The following SPG7 variants were observed in gnomAD, a reference collection of about 807,000 sequenced individuals.
SPG7 encodes SPG7 matrix AAA peptidase subunit, paraplegin, also known as mitochondrial inner membrane m-AAA protease component paraplegin.
A neutral mutation model predicts 81.9 loss-of-function variants in SPG7; 103 were observed. The ratio of observed to expected loss-of-function variants is 1.26; its 90% CI spans 1.07 to 1.48. The LOEUF (loss-of-function observed/expected upper bound fraction) is 1.48. SPG7 is among the 40% of genes most tolerant of loss of function. The pLI is 0.00. For missense variants in SPG7, 1,241 were observed against 1,087.3 expected (o/e 1.14, Z -1.99); for synonymous variants, 534 against 444.2 (o/e 1.20, Z -2.54).
intron 3 of SPG7, 125 bp downstream of exon 3, chr16:89,513,162 C>T: frequency 7.1e-7 from 1 of 1,400,876 alleles, no homozygotes; most frequent in South Asian, 1.2e-5. Context: ...GTGGCTCACA[C>T]TTGTAATCGA....
At chr16:89,511,226 G>A (rs2058017574) in intron 2 of SPG7, among the ~76,000 whole-genome samples, 1 of 152,160 alleles carries the variant, frequency 6.6e-6, no homozygotes, top group Admixed American at 6.5e-5. Context: ...TCAGCTGCAA[G>A]AATGTTTAGT....
chr16:89,544,789 CA>C lies in SPG7; in HGVS notation c.1449+18del. 6.2e-7 allele frequency: 1 copy of C among 1,613,736 alleles called. No homozygotes were observed. ...ACGCTGCAGGTCAGAGCCAGGATCC[CA>C]GCCTCTCCCACTCCACCTGGGCCGC... On this transcript the variant is annotated intron_variant, in intron 10 of 16. Coordinates refer to ENST00000645818, the MANE Select transcript of SPG7 (RefSeq NM_003119.4).
At chr16:89,528,633 G>T (rs1404848312) in intron 5 of SPG7, 2 of 149,162 alleles carry the variant, frequency 1.3e-5, no homozygotes, top group Non-Finnish European at 3.0e-5. Context: ...TGGAGTCAGG[G>T]TCTCACTCTG....
chr16:89,524,986 C>G (rs1233999118), intron 4 of SPG7, among the ~76,000 whole-genome samples: 1 of 147,614 alleles, frequency 6.8e-6, no homozygotes, highest in Non-Finnish European at 1.5e-5. Context: ...CAGAGTCTCC[C>G]TCTGTCTCAT....
chr16:89,530,056 C>G (rs2058319836), intron 6 of SPG7: 1 of 281,220 alleles, frequency 3.6e-6, no homozygotes, highest in African/African-American at 2.2e-5. Flanking sequence ...TCAGGCTGGT[C>G]TCGAACTCCC....
chr16:89,551,790 T>C (rs2058636397), intron 13 of SPG7: 1 of 151,762 alleles, frequency 6.6e-6, no homozygotes, highest in African/African-American at 2.4e-5. Context: ...ACTTGAGAGG[T>C]AGAGGCACAA....
intron 12 of SPG7, 47 bp from the exon 13 acceptor site, chr16:89,550,447 A>G: frequency 4.4e-6 from 6 of 1,370,268 alleles, no homozygotes; most frequent in Non-Finnish European, 6.2e-6. Flanking sequence ...CGCTGGGATT[A>G]CAGGCGTGAG....
Position 89,524,138 on chromosome 16 carries a change from T to G in SPG7, c.509T>G (p.Phe170Cys), listed in dbSNP as rs1339821726. 4.3e-6 allele frequency: 7 copies of G among 1,614,056 alleles called. No individual in the cohort carries two copies. The highest frequency in any genetic ancestry group is 5.9e-6 in the Non-Finnish European group (7 of 1,180,020). ...TSGGSISWND[F>C]VHEMLAKGEV... ...GGAGGCAGCATTTCCTGGAACGACT[T>G]TGTCCACGAGATGCTGGCCAAGGGC... Residue 170 changes from phenylalanine (F) to cysteine (C), a missense_variant, in exon 4 of 17, where the codon TTT becomes TGT. Transcript: ENST00000645818.
intron 16 of SPG7, chr16:89,556,550 C>T: frequency 2.6e-6 from 1 of 389,788 alleles, no homozygotes; most frequent in Non-Finnish European, 4.8e-6. Flanking sequence ...GTGCTGCTCT[C>T]CTCAATCAGG....
At position 89,512,933 on chromosome 16, in the gene SPG7, C is replaced by G. The variant is rs760006158; in HGVS notation, c.287-15C>G. ...GCAAAACTTAATTGTTAAATCCTTT[C>G]TCTATTTCTCATAGGTGGTACTTTC... On this transcript the variant is annotated splice_polypyrimidine_tract_variant and intron_variant, in intron 2 of 16. Coordinates refer to ENST00000645818, the MANE Select transcript of SPG7 (RefSeq NM_003119.4). 1.2e-6 allele frequency: 2 copies of G among 1,612,030 alleles called. No individual in the cohort carries two copies. The highest frequency in any genetic ancestry group is 4.5e-5 in the East Asian group (2 of 44,832).
Position 89,545,057 on chromosome 16 carries a change from T to C in SPG7, c.1449+285T>C, listed in dbSNP as rs933101876. 1.3e-5 allele frequency: 6 copies of C among 478,410 alleles called. 1 individual carries two copies. The highest frequency in any genetic ancestry group is 1.2e-4 in the African/African-American group (6 of 50,934). 29.6% of individuals were successfully genotyped at this position (478,410 alleles called of 1,614,324 possible). On this transcript the variant is annotated intron_variant, in intron 10 of 16. Coordinates refer to ENST00000645818, the MANE Select transcript of SPG7 (RefSeq NM_003119.4). Reference sequence around the variant, plus strand: ...GTTTTGCAGTTCTGTTCACCTGCTATTGGTTTTCCTTTTATCCTGGGTATC... The same window carrying C: ...GTTTTGCAGTTCTGTTCACCTGCTACTGGTTTTCCTTTTATCCTGGGTATC...
At chr16:89,537,513 C>T (rs1597644341) in intron 9 of SPG7, 18 of 995,186 alleles carry the variant, frequency 1.8e-5, no homozygotes, top group Non-Finnish European at 2.2e-5. Flanking sequence ...GAAAAGGCTG[C>T]TGTGAACATT....
chr16:89,511,174 C>T (rs1370589603), intron 2 of SPG7, among the ~76,000 whole-genome samples: 1 of 152,118 alleles, frequency 6.6e-6, no homozygotes, highest in Non-Finnish European at 1.5e-5. Flanking sequence ...TGCTGTATTC[C>T]AGTAATTGGG....
At chr16:89,515,516 T>A (rs9928142) in intron 3 of SPG7, among the ~76,000 whole-genome samples, 3 of 146,704 alleles carry the variant, frequency 2.0e-5, no homozygotes, top group African/African-American at 7.5e-5. Flanking sequence ...ATCTCCCCAC[T>A]TCGGCCTCCC....
At chr16:89,512,882 T>A in intron 2 of SPG7, 66 bp from the exon 3 acceptor site, 1 of 1,584,000 alleles carries the variant, frequency 6.3e-7, no homozygotes, top group Non-Finnish European at 8.7e-7. Context: ...GAGTACACTG[T>A]TGTCCTGTAT....
intron 9 of SPG7, 154 bp downstream of exon 9, chr16:89,532,790 A>C (rs1034065515): frequency 1.2e-5 from 11 of 938,328 alleles, no homozygotes; most frequent in Non-Finnish European, 1.6e-5. Context: ...AAAAATAGAA[A>C]TGTAGCTTTC....
At chr16:89,514,292 A>G (rs1188309757) in intron 3 of SPG7, 4 of 146,232 alleles carry the variant, frequency 2.7e-5, no homozygotes, top group Non-Finnish European at 6.0e-5. Context: ...ACATTTCAAT[A>G]AAGTGTGTCC....
At chr16:89,512,274 C>T (rs1326287874) in intron 2 of SPG7, among the ~76,000 whole-genome samples, 1 of 151,606 alleles carries the variant, frequency 6.6e-6, no homozygotes, top group African/African-American at 2.4e-5. Flanking sequence ...GAGTGTCGTG[C>T]CGGCCCCTCT....
chr16:89,546,995 C>A, intron 11 of SPG7: 1 of 521,178 alleles, frequency 1.9e-6, no homozygotes, highest in Non-Finnish European at 3.5e-6. Flanking sequence ...GGTTCCCGGT[C>A]TGTGTTGTTT....
Sources: allele counts gnomAD v4.1 joint callset (sites outside exome capture counted in the v4.1 genomes callset), GRCh38; gene constraint gnomAD v4.1.1; transcripts MANE v1.5; gene names NCBI Gene and HGNC (gene_info 2026-07-23, HGNC 2026-07-21).